Variants in NIPAL2 observed in about 807,000 individuals in gnomAD.
NIPAL2 encodes the protein NIPA-like protein 2.
In NIPAL2, 43 loss-of-function variants were observed where a neutral mutation model predicts 48.9. That is an observed-to-expected ratio of 0.88 (90% confidence interval 0.69 to 1.13). NIPAL2 has a LOEUF of 1.13. Among genes scored for constraint, NIPAL2 ranks in the 50% most tolerant of loss-of-function variants. The pLI, the probability that NIPAL2 is intolerant of heterozygous loss-of-function variation, is 0.00. For missense variants in NIPAL2, 446 were observed against 461.4 expected, an observed-to-expected ratio of 0.97 and a Z score of 0.31; for synonymous variants, 167 against 174.6, an observed-to-expected ratio of 0.96 and a Z score of 0.34.
At chr8:98,271,931 ATTCTAC>A (rs1365169747) in intron 1 of NIPAL2, among the ~76,000 whole-genome samples, 2 of 150,978 alleles carry the variant, frequency 1.3e-5, no homozygotes, top group East Asian at 3.9e-4. Flanking sequence ...TCAAAAGCTT[ATTCTAC>A]GTCTATTGAG....
At chr8:98,200,841 G>A (rs894185195) in intron 8 of NIPAL2, among the ~76,000 whole-genome samples, 1 of 152,256 alleles carries the variant, frequency 6.6e-6, no homozygotes, top group African/African-American at 2.4e-5. Flanking sequence ...ATATCTCATT[G>A]TGGTTTTGAT....
At chr8:98,230,722 G>C (rs1791318627) in intron 4 of NIPAL2, among the ~76,000 whole-genome samples, 1 of 152,134 alleles carries the variant, frequency 6.6e-6, no homozygotes, top group African/African-American at 2.4e-5. Context: ...AAATGTGGTT[G>C]GAGGAAAACA....
At chr8:98,290,710 T>C (rs553500409) in intron 1 of NIPAL2, among the ~76,000 whole-genome samples, 1 of 152,334 alleles carries the variant, frequency 6.6e-6, no homozygotes, top group East Asian at 1.9e-4. Context: ...CGCATAAATA[T>C]GTACAAGTAT....
rs554446026 is a variant in NIPAL2, at chr8:98,253,420, T to A, written c.204+599A>T. Among the ~76,000 whole-genome samples, 312 of 152,370 alleles carry A rather than the reference T, an allele frequency of 2.0e-3. 3 individuals carry two copies. Among genetic ancestry groups the A allele is most frequent in the Middle Eastern group, 6.8e-3 (2 of 294 alleles). On this transcript the variant is annotated intron_variant, in intron 2 of 10. Transcript: ENST00000430223. The stretch of plus-strand genomic sequence containing the variant: ...TTTGATTCTATTTAAAAGTGATTCA[T>A]GAAATGATTTAAAATTTTTTATTTA...
In NIPAL2 at chr8:98,294,184, C is replaced by T. The variant is rs1022408534; in HGVS notation, c.-47G>A. 7.7e-7 allele frequency: 1 copy of T among 1,294,984 alleles called. No individual in the cohort carries two copies. The highest frequency in any genetic ancestry group is 1.6e-5 in the African/African-American group (1 of 64,144). The allele number at this position is 1,294,984 out of a possible 1,614,324, so 80.2% of individuals were successfully genotyped here. A position where few individuals can be genotyped will look rare whatever the true frequency, so the allele number is the denominator to read the frequency against. ...GGGCTCCGGCTCGGGCTGCGGCCGC[C>T]TCCCCGCCCTGTTGCACCGCGAGGA... is the stretch of plus-strand genomic sequence containing the variant. On this transcript the variant is annotated 5_prime_UTR_variant, in exon 1 of 11. Transcript: ENST00000430223.
chr8:98,246,637 A>T (rs1813322206), intron 3 of NIPAL2, among the ~76,000 whole-genome samples: 1 of 152,202 alleles, frequency 6.6e-6, no homozygotes, highest in African/African-American at 2.4e-5. Context: ...GGCATAGTGG[A>T]TGCTCATTCA....
intron 4 of NIPAL2, among the ~76,000 whole-genome samples, chr8:98,226,279 G>A (rs1200506436): frequency 1.3e-5 from 2 of 152,096 alleles, no homozygotes; most frequent in African/African-American, 2.4e-5. Flanking sequence ...GCTTGTGAAT[G>A]TTTGTTAGTG....
chr8:98,292,484 A>G (rs73698781), intron 1 of NIPAL2, among the ~76,000 whole-genome samples: 1,704 of 152,350 alleles, frequency 0.011, 37 homozygotes, highest in African/African-American at 0.039. Flanking sequence ...AGTAATTTCA[A>G]TTAGCACATT....
intron 2 of NIPAL2, 101 bp from the exon 3 acceptor site, chr8:98,252,735 T>C: frequency 1.0e-6 from 1 of 979,538 alleles, no homozygotes; most frequent in South Asian, 1.9e-5. Context: ...ATAAGAACGC[T>C]AATTTATTTT....
chr8:98,232,308 T>C (rs60342458), intron 4 of NIPAL2, among the ~76,000 whole-genome samples: 5,751 of 152,254 alleles, frequency 0.038, 388 homozygotes, highest in African/African-American at 0.13. Context: ...ATGTGACTTA[T>C]GAGTTACATA....
chr8:98,231,115 G>C (rs1217812467), intron 4 of NIPAL2, among the ~76,000 whole-genome samples: 1 of 152,130 alleles, frequency 6.6e-6, no homozygotes, highest in Middle Eastern at 3.2e-3. Context: ...GAATAAATTG[G>C]ACTCCTTAAC....
chr8:98,255,765 G>A (rs1452111079), intron 1 of NIPAL2, among the ~76,000 whole-genome samples: 2 of 151,962 alleles, frequency 1.3e-5, no homozygotes, highest in Non-Finnish European at 2.9e-5. Context: ...GCATTAATCA[G>A]GAAAATGAAG....
intron 5 of NIPAL2, among the ~76,000 whole-genome samples, chr8:98,213,704 T>C (rs1762187578): frequency 1.3e-5 from 2 of 152,188 alleles, no homozygotes; most frequent in African/African-American, 4.8e-5. Flanking sequence ...CTTTCACTGA[T>C]CTTTGCACAA....
In NIPAL2 at chr8:98,294,196, T is replaced by C; in HGVS notation, c.-59A>G. On this transcript the variant is annotated 5_prime_UTR_variant, in exon 1 of 11. Transcript: ENST00000430223. ...GGGCTGCGGCCGCCTCCCCGCCCTGTTGCACCGCGAGGAGGCCGCGCCGCA... is the reference window on the plus strand; with the variant it reads ...GGGCTGCGGCCGCCTCCCCGCCCTGCTGCACCGCGAGGAGGCCGCGCCGCA... The C allele has an allele frequency of 5.6e-6, 7 of 1,240,310 alleles. No individual in the cohort carries two copies. The highest frequency in any genetic ancestry group is 7.1e-6 in the Non-Finnish European group (7 of 991,766). The allele number at this position is 1,240,310 out of a possible 1,614,324, so 76.8% of individuals were successfully genotyped here.
At chr8:98,262,439 C>A (rs1418982664) in intron 1 of NIPAL2, among the ~76,000 whole-genome samples, 2 of 144,180 alleles carry the variant, frequency 1.4e-5, no homozygotes, top group African/African-American at 2.6e-5. Context: ...GGAAGATCTA[C>A]CAAGCAAATG....
At chr8:98,195,526 A>T (rs764506021) in intron 9 of NIPAL2, among the ~76,000 whole-genome samples, 13 of 152,220 alleles carry the variant, frequency 8.5e-5, no homozygotes, top group Middle Eastern at 3.2e-3. Context: ...CCAACCTGAT[A>T]TTATCATGAC....
At chr8:98,285,699 T>C (rs898464145) in intron 1 of NIPAL2, among the ~76,000 whole-genome samples, 1 of 152,230 alleles carries the variant, frequency 6.6e-6, no homozygotes, top group Admixed American at 6.5e-5. Flanking sequence ...CTTTCTTTTC[T>C]TATTTAAGTC....
At chr8:98,233,405 T>G (rs959506338) in intron 4 of NIPAL2, among the ~76,000 whole-genome samples, 1 of 152,092 alleles carries the variant, frequency 6.6e-6, no homozygotes, top group Non-Finnish European at 1.5e-5. Flanking sequence ...GTATTACCTC[T>G]TAGGAATCTC....
At chr8:98,200,181 C>T (rs1383413271) in intron 8 of NIPAL2, among the ~76,000 whole-genome samples, 1 of 152,104 alleles carries the variant, frequency 6.6e-6, no homozygotes, top group Non-Finnish European at 1.5e-5. Flanking sequence ...CCATCTCGAT[C>T]TTTTGTTTTC....
Sources: allele counts gnomAD v4.1 joint callset (sites outside exome capture counted in the v4.1 genomes callset), GRCh38; gene constraint gnomAD v4.1.1; transcripts MANE v1.5; gene names NCBI Gene and HGNC (gene_info 2026-07-23, HGNC 2026-07-21).